Variants in KALRN observed in about 807,000 individuals in gnomAD.
KALRN encodes the protein kalirin.
Under a neutral mutation model 353.7 loss-of-function variants are expected in KALRN, and 70 were observed. That is an observed-to-expected ratio of 0.20 (90% CI 0.16 to 0.24). The LOEUF is 0.24. Among genes scored for constraint, KALRN ranks in the 10% least tolerant of loss-of-function variants. The probability of loss-of-function intolerance (pLI) is 1.00; values close to 1 mark genes in which losing one functional copy is unlikely to be tolerated. For synonymous variants in KALRN, 1,391 were observed against 1,434.8 expected, an observed-to-expected ratio of 0.97 and a Z score of 0.69; for missense variants, 2,791 against 3,756.7, an observed-to-expected ratio of 0.74 and a Z score of 6.72.
intron 34 of KALRN, among the ~76,000 whole-genome samples, chr3:124,607,636 A>T (rs1343471083): frequency 6.6e-6 from 1 of 152,052 alleles, no homozygotes; most frequent in East Asian, 1.9e-4. Context: ...ACTTTACTCA[A>T]CTCTCATTCT....
At chr3:124,478,379 G>A (rs896002762) in intron 27 of KALRN, among the ~76,000 whole-genome samples, 3 of 152,180 alleles carry the variant, frequency 2.0e-5, no homozygotes, top group East Asian at 3.8e-4. Context: ...CATGGTCCTT[G>A]TACTCAAGTG....
chr3:124,177,545 C>T (rs1283370113), intron 1 of KALRN, among the ~76,000 whole-genome samples: 1 of 152,176 alleles, frequency 6.6e-6, no homozygotes, highest in Non-Finnish European at 1.5e-5. Flanking sequence ...GTGAAGTGAT[C>T]ATTTTTCAGG....
At chr3:124,546,021 C>T (rs1468619106) in intron 33 of KALRN, among the ~76,000 whole-genome samples, 1 of 152,114 alleles carries the variant, frequency 6.6e-6, no homozygotes. Context: ...ACAGAAGCAA[C>T]TAGAAAACCT....
Position 124,678,070 on chromosome 3 carries a change from T to C in KALRN, c.7194-120T>C. 7.3e-6 allele frequency: 8 copies of C among 1,103,384 alleles called. No homozygotes were observed. In the South Asian group the frequency reaches 9.7e-5, roughly 13 times the overall value. 68.3% of individuals were successfully genotyped at this position (1,103,384 alleles called of 1,614,324 possible). On this transcript the variant is annotated intron_variant, in intron 49 of 59. Transcript: ENST00000682506. ...GGAGCTGGTGTGCAGGTTTGGGGCC[T>C]CTGAAGCCCGGGCTTGATGGAGCAC...
At chr3:124,352,229 C>G (rs566336785) in intron 10 of KALRN, among the ~76,000 whole-genome samples, 21 of 152,144 alleles carry the variant, frequency 1.4e-4, no homozygotes, top group Non-Finnish European at 4.4e-5. Flanking sequence ...GGAGTTCCTG[C>G]CCATAATAGG....
intron 1 of KALRN, among the ~76,000 whole-genome samples, chr3:124,148,501 A>G (rs916865961): frequency 6.6e-6 from 1 of 152,248 alleles, no homozygotes; most frequent in Non-Finnish European, 1.5e-5. Context: ...GCCCAGGGGA[A>G]CATCTAGAGT....
At chr3:124,524,125 A>T (rs1428537783) in intron 33 of KALRN, among the ~76,000 whole-genome samples, 2 of 152,214 alleles carry the variant, frequency 1.3e-5, no homozygotes, top group Admixed American at 1.3e-4. Context: ...AATCACATGG[A>T]GTCATAAACA....
At chr3:124,490,979 G>A (rs113608148) in intron 30 of KALRN, 95 bp downstream of exon 30, 13 of 1,152,550 alleles carry the variant, frequency 1.1e-5, no homozygotes, top group African/African-American at 3.1e-5. Flanking sequence ...TCTCCTCCCC[G>A]GCCTCCACAC....
intron 33 of KALRN, among the ~76,000 whole-genome samples, chr3:124,515,357 TA>T (rs1247613503): frequency 2.0e-5 from 3 of 152,170 alleles, no homozygotes; most frequent in Admixed American, 2.0e-4. Context: ...GTTTGGTTAA[TA>T]AAAGCCACTG....
intron 34 of KALRN, among the ~76,000 whole-genome samples, chr3:124,575,805 AC>A (rs2074032675): frequency 6.6e-6 from 1 of 152,168 alleles, no homozygotes; most frequent in African/African-American, 2.4e-5. Flanking sequence ...TTTTAAGAAC[AC>A]CCACCATTAC....
chr3:124,379,764 A>G (rs1343677350), intron 10 of KALRN, among the ~76,000 whole-genome samples: 3 of 152,156 alleles, frequency 2.0e-5, no homozygotes, highest in Non-Finnish European at 4.4e-5. Flanking sequence ...GTTTCCTCAC[A>G]CATGGATTCT....
chr3:124,099,921 T>C (rs1396895832), intron 1 of KALRN, among the ~76,000 whole-genome samples: 1 of 152,154 alleles, frequency 6.6e-6, no homozygotes, highest in Non-Finnish European at 1.5e-5. Flanking sequence ...TCCAGCACTT[T>C]GGGAGGCCAA....
intron 29 of KALRN, 72 bp from the exon 30 acceptor site, chr3:124,490,622 A>AG: frequency 7.1e-7 from 1 of 1,415,680 alleles, no homozygotes; most frequent in Non-Finnish European, 9.7e-7. Context: ...TTTCTCCAAG[A>AG]GGGGGGTGGA....
At chr3:124,546,633 C>T (rs1485353492) in intron 33 of KALRN, among the ~76,000 whole-genome samples, 1 of 152,038 alleles carries the variant, frequency 6.6e-6, no homozygotes, top group Non-Finnish European at 1.5e-5. Context: ...AAACCTTGTA[C>T]CCTCACAATA....
At chr3:124,103,964 G>A (rs1314239255) in intron 1 of KALRN, among the ~76,000 whole-genome samples, 4 of 151,906 alleles carry the variant, frequency 2.6e-5, no homozygotes, top group Non-Finnish European at 5.9e-5. Context: ...TCCAAGAAAA[G>A]AGAGAGAGAA....
intron 32 of KALRN, among the ~76,000 whole-genome samples, chr3:124,495,963 A>ATATATC (rs1561135731): frequency 3.8e-5 from 1 of 26,208 alleles, no homozygotes; most frequent in Non-Finnish European, 6.4e-5. Flanking sequence ...ATGTGTATGT[A>ATATATC]TGTATATATA....
intron 27 of KALRN, among the ~76,000 whole-genome samples, chr3:124,482,537 C>T (rs1434039484): frequency 6.6e-6 from 1 of 152,108 alleles, no homozygotes; most frequent in Non-Finnish European, 1.5e-5. Flanking sequence ...TTCTTTTTCT[C>T]CATTTTTGCT....
chr3:124,466,066 G>A (rs1272223553), intron 25 of KALRN, among the ~76,000 whole-genome samples: 1 of 150,858 alleles, frequency 6.6e-6, no homozygotes, highest in Non-Finnish European at 1.5e-5. Flanking sequence ...GTGTGTGTGT[G>A]TGTGTGTGTG....
At chr3:124,156,536 G>GC (rs1295150322) in intron 1 of KALRN, among the ~76,000 whole-genome samples, 1 of 152,058 alleles carries the variant, frequency 6.6e-6, no homozygotes, top group Non-Finnish European at 1.5e-5. Flanking sequence ...TGTGTATTAT[G>GC]CCCCACTTTG....
Sources: allele counts gnomAD v4.1 joint callset (sites outside exome capture counted in the v4.1 genomes callset), GRCh38; gene constraint gnomAD v4.1.1; transcripts MANE v1.5; gene names NCBI Gene and HGNC (gene_info 2026-07-23, HGNC 2026-07-21).